Variants in PRKN observed in about 807,000 individuals in gnomAD.
PRKN encodes the protein parkin RBR E3 ubiquitin protein ligase.
A neutral mutation model predicts 59.5 loss-of-function variants in PRKN; 56 were observed. That is an observed-to-expected ratio of 0.94 (90% confidence interval 0.76 to 1.18). The LOEUF (loss-of-function observed/expected upper bound fraction) is 1.18. Among genes scored for constraint, PRKN ranks in the 50% most tolerant of loss-of-function variants. The pLI is 0.00. For missense variants in PRKN, 657 were observed against 596.4 expected (o/e 1.10, Z -1.06); for synonymous variants, 250 against 222.1 (o/e 1.13, Z -1.12).
rs1276930382 is a variant in PRKN at position 161,348,598 on chromosome 6, G to A, written c.*1501C>T. 1 of 207,250 alleles carries A rather than the reference G, an allele frequency of 4.8e-6. No homozygotes were observed. The highest frequency in any genetic ancestry group is 9.8e-6 in the Non-Finnish European group (1 of 101,708). The allele number at this position is 207,250 out of a possible 1,614,324, so 12.8% of individuals were successfully genotyped here. ...AAGAGGGACAGGTGTCCCAGGATGT[G>A]GAAAACTTGAGTTCATCCCCTCTCT... On this transcript the variant is annotated 3_prime_UTR_variant, in exon 12 of 12. Coordinates refer to ENST00000366898, the MANE Select transcript of PRKN (RefSeq NM_004562.3). This position sits in a 1 kb window ranked among gnomAD's most constrained non-coding sequence, Gnocchi z 4.9.
At chr6:162,050,686 C>T (rs1000256829) in intron 5 of PRKN, among the ~76,000 whole-genome samples, 2 of 152,118 alleles carry the variant, frequency 1.3e-5, no homozygotes, top group African/African-American at 4.8e-5. Context: ...GGCACAGGGA[C>T]CATGACCTTT....
chr6:161,964,592 C>A (rs1780508293), intron 6 of PRKN, among the ~76,000 whole-genome samples: 2 of 151,970 alleles, frequency 1.3e-5, no homozygotes, highest in African/African-American at 4.8e-5. Flanking sequence ...CTAGAACATA[C>A]CCTTGTTTAT....
intron 3 of PRKN, among the ~76,000 whole-genome samples, chr6:162,216,045 C>A (rs951369324): frequency 1.3e-5 from 2 of 152,062 alleles, no homozygotes; most frequent in African/African-American, 4.8e-5. Flanking sequence ...GAGACTCTGT[C>A]ACAAGAAAAC....
chr6:161,541,368 T>C (rs183877525), intron 9 of PRKN, among the ~76,000 whole-genome samples: 7 of 152,316 alleles, frequency 4.6e-5, no homozygotes, highest in African/African-American at 1.7e-4. Context: ...AACAATGCTC[T>C]CCACACAGAA....
intron 2 of PRKN, among the ~76,000 whole-genome samples, chr6:162,434,801 G>A (rs556142441): frequency 1.3e-5 from 2 of 152,284 alleles, no homozygotes; most frequent in East Asian, 1.9e-4. Flanking sequence ...TTCATCATAA[G>A]TGAGTTTGGT....
chr6:161,966,303 T>A (rs1780577127), intron 6 of PRKN, among the ~76,000 whole-genome samples: 1 of 152,080 alleles, frequency 6.6e-6, no homozygotes, highest in African/African-American at 2.4e-5. Context: ...AATATCTTGA[T>A]AAGGATTTTT....
Position 162,269,720 on chromosome 6 carries a change from C to T in PRKN, c.172-6955G>A, listed in dbSNP as rs980967744. 2.0e-5 allele frequency: 3 copies of T among 152,292 alleles called. 1 individual carries two copies. Among genetic ancestry groups the T allele is most frequent in the South Asian group, 2.1e-4 (1 of 4,822 alleles). 9.4% of individuals were successfully genotyped at this position (152,292 alleles called of 1,614,324 possible). On this transcript the variant is annotated intron_variant, in intron 2 of 11. Transcript: ENST00000366898. ...ATCTGTTAAACTCTATTTCCTCATACAAAATGCTTAAAATCATTTCAGTGT... is the reference window on the plus strand; with the variant it reads ...ATCTGTTAAACTCTATTTCCTCATATAAAATGCTTAAAATCATTTCAGTGT...
chr6:161,927,774 A>T (rs1583357518), intron 6 of PRKN, among the ~76,000 whole-genome samples: 1 of 135,548 alleles, frequency 7.4e-6, no homozygotes, highest in African/African-American at 3.3e-5. Flanking sequence ...AACTCTGTTT[A>T]AAAAAAAAAA....
intron 1 of PRKN, among the ~76,000 whole-genome samples, chr6:162,540,157 C>T (rs760396737): frequency 6.6e-5 from 10 of 152,172 alleles, no homozygotes; most frequent in Non-Finnish European, 1.2e-4. Context: ...CTCAGGTGAT[C>T]CACCCGCCTT....
intron 4 of PRKN, among the ~76,000 whole-genome samples, chr6:162,191,338 T>C (rs955247153): frequency 1.3e-5 from 2 of 152,204 alleles, no homozygotes; most frequent in African/African-American, 4.8e-5. Context: ...TCAACATGCT[T>C]CGTTACTATC....
chr6:161,831,839 C>T (rs893335704), intron 6 of PRKN, among the ~76,000 whole-genome samples: 8 of 152,190 alleles, frequency 5.3e-5, no homozygotes, highest in Admixed American at 1.3e-4. Flanking sequence ...ACAGCCCTTT[C>T]CTACTACAAC....
At chr6:161,860,181 G>A (rs759681744) in intron 6 of PRKN, among the ~76,000 whole-genome samples, 2 of 152,194 alleles carry the variant, frequency 1.3e-5, no homozygotes, top group Non-Finnish European at 2.9e-5. Flanking sequence ...TAAGCGAAAA[G>A]ACAGATATTG....
intron 4 of PRKN, among the ~76,000 whole-genome samples, chr6:162,074,661 T>A (rs1032949399): frequency 5.9e-5 from 9 of 152,108 alleles, no homozygotes; most frequent in African/African-American, 2.2e-4. Flanking sequence ...TTAAGAATAA[T>A]TCTCATTAGT....
chr6:162,328,828 A>T (rs1196984059), intron 2 of PRKN, among the ~76,000 whole-genome samples: 1 of 152,168 alleles, frequency 6.6e-6, no homozygotes, highest in Non-Finnish European at 1.5e-5. Flanking sequence ...GCCAATGGTC[A>T]TGCCCGGTTC....
intron 1 of PRKN, among the ~76,000 whole-genome samples, chr6:162,560,853 C>CAAAAAAAAAAAAA (rs60391138): frequency 0.28 from 15,446 of 55,868 alleles, 4,595 homozygotes; most frequent in Non-Finnish European, 0.35. Context: ...GAGAGAGAGG[C>CAAAAAAAAAAAAA]AAAAAAAAAA....
At chr6:161,741,876 A>T (rs1788201544) in intron 7 of PRKN, among the ~76,000 whole-genome samples, 1 of 152,180 alleles carries the variant, frequency 6.6e-6, no homozygotes, top group Non-Finnish European at 1.5e-5. Context: ...AGATAATTGA[A>T]TCATGGGGGT....
intron 1 of PRKN, among the ~76,000 whole-genome samples, chr6:162,718,452 C>T (rs2128240022): frequency 6.6e-6 from 1 of 152,250 alleles, no homozygotes; most frequent in East Asian, 1.9e-4. Context: ...TGGCTCATGC[C>T]TGTAATCTCA....
At chr6:161,898,486 C>T (rs570247918) in intron 6 of PRKN, among the ~76,000 whole-genome samples, 23 of 152,294 alleles carry the variant, frequency 1.5e-4, no homozygotes, top group Admixed American at 6.5e-4. Flanking sequence ...TTATCTTCAT[C>T]GTGCAGCTGA....
In PRKN at chr6:161,530,521, C is replaced by CTT. The variant is rs537671875; in HGVS notation, c.1083+18331_1083+18332dup. On this transcript the variant is annotated intron_variant, in intron 9 of 11. Transcript: ENST00000366898. The surrounding 1 kb of genome is among the most constrained non-coding windows in gnomAD (Gnocchi z 5.0). ...GGCTTGCTTCTTTTTTTCTTTTTTT[C>CTT]TTTTTTTTTTTTGAGATGGAGTTTC... Among the ~76,000 whole-genome samples, 5 of 141,862 alleles carry CTT rather than the reference C, an allele frequency of 3.5e-5. No homozygotes were observed. Among genetic ancestry groups the CTT allele is most frequent in the Admixed American group, 7.0e-5 (1 of 14,330 alleles). 93.1% of individuals were successfully genotyped at this position (141,862 alleles called of 152,430 possible). A position where few individuals can be genotyped will look rare whatever the true frequency, so the allele number is the denominator to read the frequency against.
Sources: gnomAD v4.1 joint callset for allele counts (sites outside exome capture counted in the v4.1 genomes callset) on GRCh38, gnomAD v4.1.1 for gene constraint, Gnocchi (gnomAD v3.1) non-coding constraint, MANE v1.5 for transcripts, NCBI Gene and HGNC (gene_info 2026-07-23, HGNC 2026-07-21) for gene names.